Variants in ACBD6 observed in about 807,000 individuals in gnomAD.
The protein encoded by ACBD6 is acyl-CoA-binding domain-containing protein 6.
ACBD6 carries 28 observed loss-of-function variants against 37.2 expected under a neutral mutation model. That is an observed-to-expected ratio of 0.75 (90% confidence interval 0.56 to 1.03). ACBD6 has a LOEUF of 1.03. Among genes scored for constraint, ACBD6 ranks in the 50% least tolerant of loss-of-function variants. The pLI, the probability that ACBD6 is intolerant of heterozygous loss-of-function variation, is 0.00. For missense variants in ACBD6, 340 were observed against 337.4 expected (o/e 1.01, Z -0.06); for synonymous variants, 113 against 126.8 (o/e 0.89, Z 0.73).
chr1:180,429,186 C>T (rs944605016), intron 4 of ACBD6, among the ~76,000 whole-genome samples: 1 of 152,146 alleles, frequency 6.6e-6, no homozygotes, highest in African/African-American at 2.4e-5. Context: ...GTGCAATCCC[C>T]GTAACTTTTT....
At chr1:180,358,447 CAAA>C (rs10707996) in intron 6 of ACBD6, among the ~76,000 whole-genome samples, 6 of 149,612 alleles carry the variant, frequency 4.0e-5, no homozygotes, top group Non-Finnish European at 7.4e-5. Flanking sequence ...ACAACAACAA[CAAA>C]AAAAAAAAAC....
chr1:180,309,655 A>C lies in ACBD6; in HGVS notation c.694+5037T>G, dbSNP rs533168076. Among the ~76,000 whole-genome samples the C allele has an allele frequency of 2.6e-5, 4 of 152,348 alleles. No homozygotes were observed. In the East Asian group the frequency reaches 7.7e-4, roughly 29 times the overall value. On this transcript the variant is annotated intron_variant, in intron 7 of 7. Coordinates refer to ENST00000367595, the MANE Select transcript of ACBD6 (RefSeq NM_032360.4). ...AGCAGAGCAGTGAACTCTAGACCGT[A>C]GGGCAAATATTGTGGAGTAAAAGAA...
chr1:180,368,253 G>C (rs951442442), intron 6 of ACBD6, among the ~76,000 whole-genome samples: 1 of 150,750 alleles, frequency 6.6e-6, no homozygotes, highest in Non-Finnish European at 1.5e-5. Context: ...GTAAATTTAA[G>C]TTATTTACAG....
intron 4 of ACBD6, among the ~76,000 whole-genome samples, chr1:180,428,911 A>T (rs548725350): frequency 1.3e-5 from 2 of 152,234 alleles, no homozygotes; most frequent in East Asian, 3.9e-4. Context: ...GAAGAACCAA[A>T]CCAGCAGCTC....
At chr1:180,365,910 T>C (rs1391937938) in intron 6 of ACBD6, among the ~76,000 whole-genome samples, 2 of 152,202 alleles carry the variant, frequency 1.3e-5, no homozygotes, top group East Asian at 3.8e-4. Context: ...GTATATCAGT[T>C]TGATCAAAAG....
intron 6 of ACBD6, among the ~76,000 whole-genome samples, chr1:180,340,864 G>A (rs1229478944): frequency 1.3e-5 from 2 of 152,088 alleles, no homozygotes; most frequent in South Asian, 2.1e-4. Context: ...TGTTTCATCA[G>A]TTAAACGGGA....
At chr1:180,294,981 G>A (rs1253937163) in intron 7 of ACBD6, among the ~76,000 whole-genome samples, 1 of 152,164 alleles carries the variant, frequency 6.6e-6, no homozygotes, top group African/African-American at 2.4e-5. Context: ...TTACAGGTGT[G>A]AGCCACAGCA....
intron 3 of ACBD6, among the ~76,000 whole-genome samples, chr1:180,446,169 ATT>A (rs202158333): frequency 5.7e-5 from 8 of 139,804 alleles, no homozygotes; most frequent in Admixed American, 7.2e-5. Context: ...CGCCGGGATA[ATT>A]TTTTTTTTTT....
intron 3 of ACBD6, among the ~76,000 whole-genome samples, chr1:180,441,001 C>T (rs543801629): frequency 5.9e-4 from 90 of 152,314 alleles, no homozygotes; most frequent in African/African-American, 1.3e-3. Flanking sequence ...GTGAATACTG[C>T]TGCTATGATC....
chr1:180,407,750 C>G (rs1233385750), intron 5 of ACBD6, among the ~76,000 whole-genome samples: 1 of 152,158 alleles, frequency 6.6e-6, no homozygotes, highest in East Asian at 1.9e-4. Flanking sequence ...AAAACAAGGA[C>G]AATATCTGCC....
At chr1:180,451,730 A>C (rs1174675582) in intron 3 of ACBD6, among the ~76,000 whole-genome samples, 1 of 152,188 alleles carries the variant, frequency 6.6e-6, no homozygotes, top group African/African-American at 2.4e-5. Context: ...GAGGAGACTG[A>C]AACTAAGAGC....
At chr1:180,364,039 TTTTC>T (rs1652947820) in intron 6 of ACBD6, among the ~76,000 whole-genome samples, 1 of 152,208 alleles carries the variant, frequency 6.6e-6, no homozygotes. Context: ...TTTTCCTGCT[TTTTC>T]TTTACCTTTT....
At chr1:180,323,517 A>G (rs1244388571) in intron 6 of ACBD6, among the ~76,000 whole-genome samples, 1 of 152,014 alleles carries the variant, frequency 6.6e-6, no homozygotes. Context: ...TCCAGCTACT[A>G]TTGTATTGGG....
chr1:180,474,420 T>C (rs2102061736), intron 3 of ACBD6, among the ~76,000 whole-genome samples: 1 of 151,638 alleles, frequency 6.6e-6, no homozygotes, highest in South Asian at 2.1e-4. Context: ...TTTAAAGAAA[T>C]ACAACATAAA....
chr1:180,430,240 T>G lies in ACBD6; in HGVS notation c.407A>C (p.Glu136Ala). 6.2e-7 allele frequency: 1 copy of G among 1,613,430 alleles called. No homozygotes were observed. Among genetic ancestry groups the G allele is most frequent in the Non-Finnish European group, 8.5e-7 (1 of 1,179,744 alleles). Reference sequence around the variant, plus strand: ...TGGCCCACCAAAACCTGTATTTGCTTCTTTTCCTTTCTTCTCTGGTATCTG... The same window carrying G: ...TGGCCCACCAAAACCTGTATTTGCTGCTTTTCCTTTCTTCTCTGGTATCTG... ...NPQIPEKKGK[E>A]ANTGFGGPVI... The change falls in exon 4 of 8, where the codon GAA becomes GCA. Residue 136 changes from glutamate (E) to alanine (A), a missense_variant. Transcript: ENST00000367595.
intron 3 of ACBD6, among the ~76,000 whole-genome samples, chr1:180,436,262 A>C (rs1649030760): frequency 6.6e-6 from 1 of 152,226 alleles, no homozygotes; most frequent in African/African-American, 2.4e-5. Flanking sequence ...CATATTGAGT[A>C]AATGAAAGAA....
At chr1:180,368,719 T>A (rs577335287) in intron 6 of ACBD6, among the ~76,000 whole-genome samples, 10 of 149,756 alleles carry the variant, frequency 6.7e-5, no homozygotes, top group Non-Finnish European at 1.0e-4. Flanking sequence ...TATTTTTTCA[T>A]ATATATATAT....
intron 6 of ACBD6, among the ~76,000 whole-genome samples, chr1:180,354,763 G>T (rs571780024): frequency 6.6e-6 from 1 of 152,254 alleles, no homozygotes; most frequent in South Asian, 2.1e-4. Context: ...TTCCCCTGCT[G>T]CACCTCTATC....
At chr1:180,484,827 A>G (rs1651196066) in intron 3 of ACBD6, among the ~76,000 whole-genome samples, 1 of 152,014 alleles carries the variant, frequency 6.6e-6, no homozygotes, top group Admixed American at 6.5e-5. Context: ...GCACTTTGGG[A>G]GGCTGAGGCG....
Sources: gnomAD v4.1 joint callset for allele counts (sites outside exome capture counted in the v4.1 genomes callset) on GRCh38, gnomAD v4.1.1 for gene constraint, MANE v1.5 for transcripts, NCBI Gene and HGNC (gene_info 2026-07-23, HGNC 2026-07-21) for gene names.